The following USP48 variants were observed in gnomAD, a reference collection of about 807,000 sequenced individuals.
The protein encoded by USP48 is ubiquitin specific peptidase 48.
USP48 carries 43 observed loss-of-function variants against 150.7 expected under a neutral mutation model. The observed-to-expected ratio is 0.29, with a 90% CI of 0.22 to 0.37. The LOEUF is 0.37. USP48 is among the 10% of genes least tolerant of loss of function. The probability of loss-of-function intolerance (pLI) is 1.00; values close to 1 mark genes in which losing one functional copy is unlikely to be tolerated. For missense variants in USP48, 813 were observed against 1,249.6 expected (o/e 0.65, Z 5.27); for synonymous variants, 396 against 425.9 (o/e 0.93, Z 0.86).
chr1:21,689,040 C>T (rs1267498176), intron 24 of USP48, among the ~76,000 whole-genome samples: 2 of 151,798 alleles, frequency 1.3e-5, no homozygotes, highest in African/African-American at 4.8e-5. Context: ...TACTTTAATA[C>T]TATGACGTAT....
intron 15 of USP48, chr1:21,715,174 A>G (rs371296351): frequency 4.2e-6 from 2 of 477,250 alleles, no homozygotes; most frequent in Non-Finnish European, 7.6e-6. Flanking sequence ...CATGGGAAAC[A>G]ACTGAAATTC....
intron 1 of USP48, among the ~76,000 whole-genome samples, chr1:21,774,785 A>G (rs1308235948): frequency 6.6e-6 from 1 of 151,754 alleles, no homozygotes; most frequent in Non-Finnish European, 1.5e-5. Flanking sequence ...TGAAGTTAGG[A>G]GTTTGAGACC....
At chr1:21,763,999 T>C (rs1350995769) in intron 1 of USP48, among the ~76,000 whole-genome samples, 1 of 152,218 alleles carries the variant, frequency 6.6e-6, no homozygotes, top group Non-Finnish European at 1.5e-5. Context: ...TAACTCCATT[T>C]TATCCCTCCT....
chr1:21,679,590 A>G (rs2097559873), intron 26 of USP48, 151 bp from the exon 27 acceptor site: 2 of 900,608 alleles, frequency 2.2e-6, no homozygotes, highest in Non-Finnish European at 3.5e-6. Context: ...AAGACAAAAT[A>G]CCAGCAGACT....
intron 10 of USP48, among the ~76,000 whole-genome samples, chr1:21,728,970 G>A (rs1357533173): frequency 6.6e-6 from 1 of 152,044 alleles, no homozygotes; most frequent in Admixed American, 6.6e-5. Context: ...CAATCGAATG[G>A]CTCAAAATCA....
Position 21,706,163 on chromosome 1 carries a change from A to T in USP48, c.2236T>A (p.Ser746Thr). The T allele has an allele frequency of 6.2e-7, 1 of 1,613,954 alleles. No individual in the cohort carries two copies. Reference protein sequence around the residue: ...PEDTDVLYIVSQFFVEEWRKF... With the variant: ...PEDTDVLYIVTQFFVEEWRKF... ...CGCCACTCTTCTACAAAGAACTGAG[A>T]CACGATGTAGAGGACATCCGTATCC... is the stretch of plus-strand genomic sequence containing the variant. Residue 746 changes from serine to threonine, a missense_variant, in exon 18 of 27, where the codon TCT becomes ACT. Physicochemically the swap from Ser to Thr is moderately conservative, Grantham distance 58 (BLOSUM62 1). Coordinates refer to ENST00000308271, the MANE Select transcript of USP48 (RefSeq NM_032236.8).
intron 8 of USP48, 134 bp downstream of exon 8, chr1:21,746,933 C>A: frequency 1.6e-6 from 1 of 630,652 alleles, no homozygotes; most frequent in Non-Finnish European, 2.6e-6. Flanking sequence ...AGTCTTTGTT[C>A]CCAGACAGAG....
intron 11 of USP48, chr1:21,727,795 A>G (rs1415603382): frequency 1.1e-6 from 1 of 880,510 alleles, no homozygotes; most frequent in Non-Finnish European, 1.4e-6. Context: ...CATTTTGCTT[A>G]AAGTTATACT....
intron 1 of USP48, among the ~76,000 whole-genome samples, chr1:21,769,890 G>GA (rs1190176181): frequency 2.0e-5 from 3 of 150,864 alleles, no homozygotes; most frequent in Non-Finnish European, 4.4e-5. Flanking sequence ...AAAAAGAAAA[G>GA]AAAAAAAAGG....
intron 15 of USP48, among the ~76,000 whole-genome samples, chr1:21,708,329 T>G (rs1275386257): frequency 6.6e-6 from 1 of 151,852 alleles, no homozygotes; most frequent in Non-Finnish European, 1.5e-5. Context: ...CGAAACCCCG[T>G]CTCTACTCAA....
chr1:21,692,532 G>A (rs890626603), intron 23 of USP48, among the ~76,000 whole-genome samples: 1 of 152,176 alleles, frequency 6.6e-6, no homozygotes, highest in Non-Finnish European at 1.5e-5. Context: ...AGACACAAGT[G>A]CCACAACTAA....
Position 21,704,292 on chromosome 1 carries a change from G to C in USP48, c.2485C>G (p.Pro829Ala). The change falls in exon 20 of 27, where the codon CCT becomes GCT. Residue 829 changes from proline (P) to alanine (A), a missense_variant. By Grantham distance (27) the Pro-to-Ala change is conservative. Coordinates refer to ENST00000308271, the MANE Select transcript of USP48 (RefSeq NM_032236.8). ...TCAGAAATATACTGTGTTTCTGAAG[G>C]GTTTACATCTCCCACTTCAATTCTC... The part of the protein sequence containing the change: ...ITRIEVGDVN[P>A]SETQYISEPK... 1 of 1,613,266 alleles carries C rather than the reference G, an allele frequency of 6.2e-7. No homozygotes were observed. The highest frequency in any genetic ancestry group is 8.5e-7 in the Non-Finnish European group (1 of 1,179,774).
At chr1:21,694,600 A>ACAAAC (rs2097618851) in intron 23 of USP48, among the ~76,000 whole-genome samples, 3 of 84,192 alleles carry the variant, frequency 3.6e-5, no homozygotes, top group African/African-American at 9.7e-5. Context: ...AAAAAAAAAA[A>ACAAAC]AAAAAAACCC....
At chr1:21,701,238 C>T (rs542376820) in intron 22 of USP48, among the ~76,000 whole-genome samples, 184 of 148,624 alleles carry the variant, frequency 1.2e-3, no homozygotes, top group Non-Finnish European at 2.2e-3. Context: ...TGGTGGTGGG[C>T]GCCTATAATC....
At chr1:21,721,536 C>G in intron 13 of USP48, 114 bp downstream of exon 13, 1 of 754,168 alleles carries the variant, frequency 1.3e-6, no homozygotes, top group African/African-American at 1.8e-5. Flanking sequence ...TCCACTTTAT[C>G]ACCCTTCTTC....
chr1:21,724,185 C>T (rs1211627963), intron 11 of USP48, 90 bp from the exon 12 acceptor site: 2 of 1,285,752 alleles, frequency 1.6e-6, no homozygotes, highest in East Asian at 2.5e-5. Flanking sequence ...ACAATGCAAA[C>T]TCTGTCCAGA....
At chr1:21,705,436 AAG>A (rs1293715688) in intron 19 of USP48, among the ~76,000 whole-genome samples, 1 of 152,186 alleles carries the variant, frequency 6.6e-6, no homozygotes, top group Non-Finnish European at 1.5e-5. Context: ...GATTCTGGAA[AAG>A]AGGTCTCAGC....
chr1:21,738,807 C>G (rs2097774560), intron 8 of USP48, among the ~76,000 whole-genome samples: 1 of 152,014 alleles, frequency 6.6e-6, no homozygotes, highest in Non-Finnish European at 1.5e-5. Flanking sequence ...ACATACTGGA[C>G]ACGGTTTCAG....
intron 1 of USP48, among the ~76,000 whole-genome samples, chr1:21,764,013 G>T (rs943489182): frequency 1.3e-5 from 2 of 152,166 alleles, no homozygotes; most frequent in Non-Finnish European, 2.9e-5. Flanking sequence ...CCCTCCTTAG[G>T]AGTAGGCCCC....
Sources: allele counts gnomAD v4.1 joint callset (sites outside exome capture counted in the v4.1 genomes callset), GRCh38; gene constraint gnomAD v4.1.1; transcripts MANE v1.5; gene names NCBI Gene and HGNC (gene_info 2026-07-23, HGNC 2026-07-21).